POLN: variants seen among roughly 807,000 people sequenced by gnomAD.
POLN encodes DNA polymerase nu.
In POLN, 108 loss-of-function variants were observed where a neutral mutation model predicts 113.5. The ratio of observed to expected loss-of-function variants is 0.95; its 90% confidence interval spans 0.81 to 1.12. POLN has a LOEUF of 1.12. Ranked by LOEUF, POLN falls within the 50% of genes most tolerant of loss-of-function variation. POLN has a pLI of 0.00. For synonymous variants in POLN, 386 were observed against 391.5 expected, an observed-to-expected ratio of 0.99 and a Z score of 0.17; for missense variants, 1,097 against 1,077.1, an observed-to-expected ratio of 1.02 and a Z score of -0.26.
intron 7 of POLN, among the ~76,000 whole-genome samples, chr4:2,181,459 TA>T (rs139644112): frequency 2.0e-5 from 3 of 149,526 alleles, no homozygotes; most frequent in Non-Finnish European, 3.0e-5. Flanking sequence ...AAAGACAGAA[TA>T]TTTTTTTAAA....
intron 20 of POLN, among the ~76,000 whole-genome samples, chr4:2,090,781 T>C (rs764498032): frequency 7.9e-5 from 12 of 152,216 alleles, no homozygotes; most frequent in Non-Finnish European, 1.8e-4. Flanking sequence ...AAATCTCAGG[T>C]CAGTCCTTTT....
chr4:2,122,304 C>T (rs1369392620), intron 19 of POLN, among the ~76,000 whole-genome samples: 1 of 152,116 alleles, frequency 6.6e-6, no homozygotes, highest in Non-Finnish European at 1.5e-5. Flanking sequence ...TTATTACATA[C>T]TTTAAAAATT....
At chr4:2,139,749 A>C (rs1731949294) in intron 16 of POLN, 2 of 152,246 alleles carry the variant, frequency 1.3e-5, no homozygotes, top group Non-Finnish European at 2.9e-5. Context: ...ATTATATGGG[A>C]GGAATATTCA....
At chr4:2,124,646 A>C (rs762432679) in intron 19 of POLN, among the ~76,000 whole-genome samples, 2 of 152,098 alleles carry the variant, frequency 1.3e-5, no homozygotes, top group Non-Finnish European at 1.5e-5. Flanking sequence ...AGATGGTGAG[A>C]GCTTAGGAGA....
intron 19 of POLN, among the ~76,000 whole-genome samples, chr4:2,120,361 T>C (rs1006024609): frequency 7.9e-5 from 12 of 152,160 alleles, no homozygotes; most frequent in African/African-American, 2.9e-4. Flanking sequence ...TATTTGTATG[T>C]TGAGTCTTCC....
chr4:2,240,163 T>C, intron 2 of POLN: 1 of 1,614,016 alleles, frequency 6.2e-7, no homozygotes, highest in South Asian at 1.1e-5. Context: ...AGTCTAGCCA[T>C]CTCTAGTCGT....
chr4:2,225,856 C>T (rs1033420607), intron 3 of POLN, among the ~76,000 whole-genome samples: 5 of 151,812 alleles, frequency 3.3e-5, no homozygotes, highest in African/African-American at 1.2e-4. Flanking sequence ...AAAAAATTAG[C>T]CAGACACAGT....
chr4:2,226,547 T>C (rs1416010321), intron 3 of POLN, among the ~76,000 whole-genome samples: 1 of 152,208 alleles, frequency 6.6e-6, no homozygotes, highest in Non-Finnish European at 1.5e-5. Context: ...TTAATGTGTT[T>C]TGCATTTTTA....
At chr4:2,221,716 C>T (rs1734257573) in intron 3 of POLN, among the ~76,000 whole-genome samples, 1 of 152,158 alleles carries the variant, frequency 6.6e-6, no homozygotes, top group African/African-American at 2.4e-5. Context: ...GCTGGGATTA[C>T]AGGCACCTGC....
chr4:2,072,330 G>C, intron 25 of POLN, 31 bp from the exon 26 acceptor site: 1 of 1,482,386 alleles, frequency 6.7e-7, no homozygotes. Context: ...TGAGCCCCAC[G>C]CCTGGGCCAG....
intron 6 of POLN, among the ~76,000 whole-genome samples, chr4:2,195,502 A>G (rs1577761205): frequency 7.4e-6 from 1 of 135,048 alleles, no homozygotes; most frequent in Non-Finnish European, 1.6e-5. Flanking sequence ...TTTTTTTTTT[A>G]AGACAGGGCC....
At chr4:2,239,258 T>C (rs374343814) in intron 2 of POLN, among the ~76,000 whole-genome samples, 1 of 152,214 alleles carries the variant, frequency 6.6e-6, no homozygotes, top group Non-Finnish European at 1.5e-5. Context: ...ATTACTACCA[T>C]ATATATAGTA....
At chr4:2,120,184 G>T (rs562610213) in intron 19 of POLN, among the ~76,000 whole-genome samples, 7 of 152,262 alleles carry the variant, frequency 4.6e-5, no homozygotes, top group Admixed American at 4.6e-4. Flanking sequence ...ATCAGGTGGG[G>T]TGATTCCTCC....
chr4:2,190,624 T>C (rs1733416179), intron 7 of POLN, among the ~76,000 whole-genome samples: 1 of 152,016 alleles, frequency 6.6e-6, no homozygotes, highest in African/African-American at 2.4e-5. Flanking sequence ...TTGCAAACTA[T>C]CCATCTGATA....
intron 3 of POLN, among the ~76,000 whole-genome samples, chr4:2,218,651 G>A (rs989648843): frequency 2.0e-5 from 3 of 152,140 alleles, no homozygotes; most frequent in African/African-American, 7.2e-5. Flanking sequence ...ACAGTGGGTG[G>A]CGGGATAACA....
intron 19 of POLN, among the ~76,000 whole-genome samples, chr4:2,096,357 C>T (rs1730790122): frequency 6.6e-6 from 1 of 152,180 alleles, no homozygotes; most frequent in South Asian, 2.1e-4. Context: ...CAACTCTGTC[C>T]TGGCCTCCCA....
Position 2,198,530 on chromosome 4 carries a change from A to T in POLN, c.902T>A (p.Phe301Tyr). The change falls in exon 6 of 26, where the codon TTT becomes TAT. Residue 301 changes from phenylalanine (F) to tyrosine (Y), a missense_variant. Physicochemically the swap from Phe to Tyr is conservative, Grantham distance 22. Transcript: ENST00000511885. The stretch of plus-strand genomic sequence containing the variant: ...ATGTGTGAAGATTTCTTACCGGGCA[A>T]ATTGTTGATGTGCCTCCTGTTCTTG... ...WDQEQEAHQQ[F>Y]ARNVLFQTMK... 6.2e-7 allele frequency: 1 copy of T among 1,608,148 alleles called. No homozygotes were observed. Among genetic ancestry groups the T allele is most frequent in the Non-Finnish European group, 8.5e-7 (1 of 1,176,902 alleles).
At chr4:2,135,481 G>A (rs777962034) in intron 16 of POLN, among the ~76,000 whole-genome samples, 4 of 152,282 alleles carry the variant, frequency 2.6e-5, no homozygotes, top group East Asian at 1.9e-4. Flanking sequence ...ACACTGCTGC[G>A]CTTCTCTATG....
chr4:2,177,359 T>C (rs6816862), intron 8 of POLN: 80,695 of 434,508 alleles, frequency 0.19, 11,562 homozygotes, highest in African/African-American at 0.51. Context: ...TCTTACCATA[T>C]CCCTGCTGCT....
Sources: gnomAD v4.1 joint callset for allele counts (sites outside exome capture counted in the v4.1 genomes callset) on GRCh38, gnomAD v4.1.1 for gene constraint, MANE v1.5 for transcripts, NCBI Gene and HGNC (gene_info 2026-07-23, HGNC 2026-07-21) for gene names.